PCDHA2: variants seen among roughly 807,000 people sequenced by gnomAD.
The protein encoded by PCDHA2 is protocadherin alpha 2, also known as protocadherin alpha-2.
Under a neutral mutation model 66.0 loss-of-function variants are expected in PCDHA2, and 58 were observed. The ratio of observed to expected loss-of-function variants is 0.88; its 90% CI spans 0.71 to 1.09. The LOEUF (loss-of-function observed/expected upper bound fraction) is 1.09, where lower values mean the gene tolerates loss of function less well. Ranked by LOEUF, PCDHA2 falls within the 50% of genes least tolerant of loss-of-function variation. PCDHA2 has a pLI of 0.00. For synonymous variants in PCDHA2, 634 were observed against 554.0 expected, an observed-to-expected ratio of 1.14 and a Z score of -2.03; for missense variants, 1,267 against 1,242.3, an observed-to-expected ratio of 1.02 and a Z score of -0.30.
intron 1 of PCDHA2, chr5:140,877,451 C>G (rs782361627): frequency 6.2e-7 from 1 of 1,613,790 alleles, no homozygotes; most frequent in East Asian, 2.2e-5. Flanking sequence ...CCCGCGCTGA[C>G]GTCCACGGCC....
Position 140,808,974 on chromosome 5 carries a change from C to T in PCDHA2, c.2388+11622C>T, listed in dbSNP as rs781991192. ...GGCCACGTGGTGGCAAAGGTGCGCG[C>T]GGTGGATGCTGACTCGGGCTACAAC... On this transcript the variant is annotated intron_variant, in intron 1 of 3. Coordinates refer to ENST00000526136, the MANE Select transcript of PCDHA2 (RefSeq NM_018905.3). 49 of 1,613,504 alleles carry T rather than the reference C, an allele frequency of 3.0e-5. No homozygotes were observed. The Middle Eastern group carries it at 8.2e-4, about 27-fold the overall frequency.
chr5:140,859,571 G>C (rs2045916086), intron 1 of PCDHA2: 1 of 174,150 alleles, frequency 5.7e-6, no homozygotes, highest in Non-Finnish European at 1.2e-5. Context: ...CCATGAATTT[G>C]TCATCTTGCC....
intron 1 of PCDHA2, chr5:140,809,469 G>C (rs1655310932): frequency 6.2e-7 from 1 of 1,614,250 alleles, no homozygotes; most frequent in Non-Finnish European, 8.5e-7. Flanking sequence ...GTGTGCTCTG[G>C]TGAGGGCCCA....
chr5:140,932,199 A>C (rs1314795858), intron 1 of PCDHA2, among the ~76,000 whole-genome samples: 2 of 151,894 alleles, frequency 1.3e-5, no homozygotes, highest in African/African-American at 4.8e-5. Context: ...TTTTTCTGTT[A>C]ATATTCTTGA....
At chr5:140,843,820 T>A in intron 1 of PCDHA2, 1 of 1,210,794 alleles carries the variant, frequency 8.3e-7, no homozygotes, top group South Asian at 1.5e-5. Flanking sequence ...TAGTGAAAAT[T>A]TAAACATTGT....
chr5:140,952,058 T>A (rs889374877), intron 1 of PCDHA2, among the ~76,000 whole-genome samples: 7 of 151,978 alleles, frequency 4.6e-5, no homozygotes, highest in Non-Finnish European at 8.8e-5. Context: ...ATCTTAAAGC[T>A]CCAAATAATC....
At chr5:140,968,252 C>A (rs201156874) in intron 1 of PCDHA2, 7 of 1,613,948 alleles carry the variant, frequency 4.3e-6, no homozygotes, top group Non-Finnish European at 8.5e-7. Context: ...AGCCACAGAC[C>A]CAGATGAAAA....
chr5:140,947,402 T>C (rs550043631), intron 1 of PCDHA2, among the ~76,000 whole-genome samples: 1 of 151,868 alleles, frequency 6.6e-6, no homozygotes, highest in East Asian at 1.9e-4. Context: ...AAGTAGACTG[T>C]CTTGATATTG....
chr5:140,871,208 C>A (rs782698436), intron 1 of PCDHA2: 1 of 1,613,802 alleles, frequency 6.2e-7, no homozygotes, highest in Non-Finnish European at 8.5e-7. Context: ...CTGATCATCG[C>A]CATCTGCGTG....
At chr5:140,941,570 C>T (rs892912533) in intron 1 of PCDHA2, among the ~76,000 whole-genome samples, 17 of 152,046 alleles carry the variant, frequency 1.1e-4, no homozygotes, top group African/African-American at 4.1e-4. Context: ...TCGCCTCAGC[C>T]TCCCAAAGTG....
chr5:140,960,299 A>C (rs246005), intron 1 of PCDHA2, among the ~76,000 whole-genome samples: 85,531 of 151,846 alleles, frequency 0.56, 24,685 homozygotes, highest in African/African-American at 0.69. Flanking sequence ...TTTCTTCATC[A>C]ATACCAACCT....
chr5:140,801,657 C>G, intron 1 of PCDHA2: 1 of 1,614,150 alleles, frequency 6.2e-7, no homozygotes, highest in Non-Finnish European at 8.5e-7. Context: ...TCGGTTTTCG[C>G]TAGAGGGCGC....
intron 3 of PCDHA2, among the ~76,000 whole-genome samples, chr5:140,986,669 G>C (rs1448376850): frequency 6.6e-6 from 1 of 152,138 alleles, no homozygotes; most frequent in African/African-American, 2.4e-5. Flanking sequence ...ACAGTTTTCA[G>C]AAGAGTTCAG....
At chr5:140,843,005 G>A (rs1562406385) in intron 1 of PCDHA2, 5 of 1,594,914 alleles carry the variant, frequency 3.1e-6, no homozygotes, top group Non-Finnish European at 3.4e-6. Flanking sequence ...GAATGACAAC[G>A]CGCCGGCACT....
intron 1 of PCDHA2, among the ~76,000 whole-genome samples, chr5:140,975,197 C>T (rs1176492853): frequency 6.6e-6 from 1 of 152,230 alleles, no homozygotes; most frequent in Non-Finnish European, 1.5e-5. Flanking sequence ...TCTGCTCCAT[C>T]TTCATGGCTG....
chr5:140,918,833 G>A (rs2078883719), intron 1 of PCDHA2, among the ~76,000 whole-genome samples: 1 of 152,084 alleles, frequency 6.6e-6, no homozygotes, highest in African/African-American at 2.4e-5. Context: ...CCCCTCCCCA[G>A]ACACTAAATC....
At chr5:140,864,058 A>C (rs993804326) in intron 1 of PCDHA2, 3 of 152,692 alleles carry the variant, frequency 2.0e-5, no homozygotes, top group Non-Finnish European at 1.5e-5. Context: ...TACAGTCACC[A>C]TGAACATTCT....
chr5:140,800,814 T>C (rs1762602804), intron 1 of PCDHA2, among the ~76,000 whole-genome samples: 1 of 152,212 alleles, frequency 6.6e-6, no homozygotes, highest in South Asian at 2.1e-4. Context: ...TTTTAGTGTA[T>C]GTCATGAATT....
At chr5:140,967,091 G>A (rs782261207) in intron 1 of PCDHA2, 1 of 1,613,196 alleles carries the variant, frequency 6.2e-7, no homozygotes. Context: ...TGATCGGGAG[G>A]CGCTGTGTGA....
Sources: gnomAD v4.1 joint callset for allele counts (sites outside exome capture counted in the v4.1 genomes callset) on GRCh38, gnomAD v4.1.1 for gene constraint, MANE v1.5 for transcripts, NCBI Gene and HGNC (gene_info 2026-07-23, HGNC 2026-07-21) for gene names.